Variants in CD55 observed in about 807,000 individuals in gnomAD.
The protein encoded by CD55 is complement decay-accelerating factor.
Under a neutral mutation model 45.8 loss-of-function variants are expected in CD55, and 41 were observed. The observed-to-expected ratio is 0.90, with a 90% confidence interval of 0.70 to 1.16. CD55 has a LOEUF of 1.16. Ranked by LOEUF, CD55 falls within the 50% of genes most tolerant of loss-of-function variation. The pLI is 0.00. For missense variants in CD55, 416 were observed against 469.8 expected, an observed-to-expected ratio of 0.89 and a Z score of 1.06; for synonymous variants, 181 against 181.1, an observed-to-expected ratio of 1.00 and a Z score of 0.01.
chr1:207,353,991 A>G (rs947161860), intron 9 of CD55: 2 of 1,532,336 alleles, frequency 1.3e-6, no homozygotes, highest in African/African-American at 2.7e-5. Context: ...CATGCATTGC[A>G]TTTCCACTTT....
chr1:207,329,606 T>C lies in CD55; in HGVS notation c.665-1502T>C, dbSNP rs556404693. ...CAAACTGCTGTGGTTTCCATGTACC[T>C]CTTTTTTTTCTTTTTTTTAAATTGA... On this transcript the variant is annotated intron_variant, in intron 5 of 9. Coordinates refer to ENST00000367064, the MANE Select transcript of CD55 (RefSeq NM_000574.5). 2.0e-5 allele frequency among the ~76,000 whole-genome samples: 3 copies of C among 151,940 alleles called. No homozygotes were observed. The South Asian group carries it at 6.2e-4, about 32-fold the overall frequency.
At chr1:207,337,672 AT>A (rs1655247691) in intron 8 of CD55, 1 of 332,226 alleles carries the variant, frequency 3.0e-6, no homozygotes, top group Non-Finnish European at 5.5e-6. Context: ...AAAAAAAAAA[AT>A]TCTGTTTCCT....
Position 207,322,661 on chromosome 1 carries a change from C to A in CD55, c.286+94C>A, listed in dbSNP as rs1654475713. 5.5e-6 allele frequency: 6 copies of A among 1,088,008 alleles called. No individual in the cohort carries two copies. The South Asian group carries it at 6.6e-5, about 12-fold the overall frequency. The allele number at this position is 1,088,008 out of a possible 1,614,324, so 67.4% of individuals were successfully genotyped here. ...TTGGAGTGACTAGTAATTGATAGTT[C>A]TCTAGCGTTACTAAACCCCAGGGTA... On this transcript the variant is annotated intron_variant, in intron 2 of 9. Transcript: ENST00000367064.
chr1:207,341,781 A>C (rs1282089519), intron 9 of CD55, among the ~76,000 whole-genome samples: 1 of 152,012 alleles, frequency 6.6e-6, no homozygotes, highest in African/African-American at 2.4e-5. Flanking sequence ...ATTTCTGTGA[A>C]AAATGGCATT....
chr1:207,347,491 G>A, intron 9 of CD55: 1 of 282,926 alleles, frequency 3.5e-6, no homozygotes, highest in Non-Finnish European at 7.2e-6. Context: ...TGATCTCCTG[G>A]CCTCGAGATC....
At chr1:207,343,112 C>G (rs1038892255) in intron 9 of CD55, among the ~76,000 whole-genome samples, 1 of 151,830 alleles carries the variant, frequency 6.6e-6, no homozygotes, top group African/African-American at 2.4e-5. Context: ...AGTACTTTAT[C>G]AGTTTGGTTT....
chr1:207,337,978 C>T lies in CD55; in HGVS notation c.1060+569C>T, dbSNP rs142956527. Among the ~76,000 whole-genome samples the T allele has an allele frequency of 5.5e-4, 83 of 152,166 alleles. No individual in the cohort carries two copies. The East Asian group carries it at 0.015, about 27-fold the overall frequency. On this transcript the variant is annotated intron_variant, in intron 8 of 9. Coordinates refer to ENST00000367064, the MANE Select transcript of CD55 (RefSeq NM_000574.5). ...AATTGTGTTTTATCTATAGTTTTAC[C>T]CATTATGACCGTATTTTCAAAATGA... is the stretch of plus-strand genomic sequence containing the variant.
intron 9 of CD55, among the ~76,000 whole-genome samples, chr1:207,353,151 T>C (rs1297876493): frequency 7.0e-6 from 1 of 143,716 alleles, no homozygotes; most frequent in South Asian, 2.3e-4. Context: ...TTTCCCAGGC[T>C]CAAGTGATCT....
At position 207,360,388 on chromosome 1, in the gene CD55, T is replaced by A. The variant is rs934357402; in HGVS notation, c.*778T>A. The A allele has an allele frequency of 2.6e-5, 4 of 152,150 alleles. No homozygotes were observed. The highest frequency in any genetic ancestry group is 9.6e-5 in the African/African-American group (4 of 41,458). The allele number at this position is 152,150 out of a possible 1,614,324, so 9.4% of individuals were successfully genotyped here. On this transcript the variant is annotated 3_prime_UTR_variant, in exon 10 of 10. Transcript: ENST00000367064. ...ATTCTTTTGTAATATTTATTTATAT[T>A]TATTTATGACAGTGAACATTCTGAT...
At chr1:207,331,636 T>C (rs1654951950) in intron 6 of CD55, among the ~76,000 whole-genome samples, 1 of 152,210 alleles carries the variant, frequency 6.6e-6, no homozygotes, top group Admixed American at 6.5e-5. Flanking sequence ...AGTGGTTTAT[T>C]GGAGGGAGAA....
At chr1:207,329,781 T>A (rs1558145812) in intron 5 of CD55, among the ~76,000 whole-genome samples, 1 of 151,880 alleles carries the variant, frequency 6.6e-6, no homozygotes, top group Admixed American at 6.6e-5. Context: ...CCAGCTAATT[T>A]ATGTATTTTT....
At chr1:207,328,818 T>C (rs1260767695) in intron 5 of CD55, among the ~76,000 whole-genome samples, 2 of 152,244 alleles carry the variant, frequency 1.3e-5, no homozygotes, top group East Asian at 3.8e-4. Context: ...TAGCATAGTT[T>C]ATTATTCCTC....
At chr1:207,359,396 C>G (rs935273963) in intron 9 of CD55, 150 bp from the exon 10 acceptor site, 2 of 675,852 alleles carry the variant, frequency 3.0e-6, no homozygotes, top group African/African-American at 3.7e-5. Flanking sequence ...TGTCCATATT[C>G]TATTACTCAT....
At chr1:207,353,356 TAAG>T (rs1011266147) in intron 9 of CD55, among the ~76,000 whole-genome samples, 4 of 152,136 alleles carry the variant, frequency 2.6e-5, no homozygotes, top group African/African-American at 4.8e-5. Flanking sequence ...GAATAATAAA[TAAG>T]AAGTCAGGAA....
rs73085272 is a variant in CD55, at chr1:207,330,139, T to C, written c.665-969T>C. Among the ~76,000 whole-genome samples, 835 of 152,330 alleles carry C rather than the reference T, an allele frequency of 5.5e-3. 8 individuals carry two copies. The highest frequency in any genetic ancestry group is 0.018 in the African/African-American group (759 of 41,574). On this transcript the variant is annotated intron_variant, in intron 5 of 9. Coordinates refer to ENST00000367064, the MANE Select transcript of CD55 (RefSeq NM_000574.5). ...GTGTGTTAGGCACTCAGAAAATGTT[T>C]GAACTGAACCAATGGTGTGTGTGTC...
chr1:207,360,899 G>C lies in CD55; in HGVS notation c.*1289G>C, dbSNP rs946933564. 6.6e-6 allele frequency: 1 copy of C among 151,986 alleles called. No individual in the cohort carries two copies. The highest frequency in any genetic ancestry group is 1.5e-5 in the Non-Finnish European group (1 of 67,982). 9.4% of individuals were successfully genotyped at this position (151,986 alleles called of 1,614,324 possible). A position where few individuals can be genotyped will look rare whatever the true frequency, so the allele number is the denominator to read the frequency against. ...TGTTGAAGTACTTTAAATTTCATAC[G>C]TTCATGGCATTTCACTGTAAAGACT... On this transcript the variant is annotated 3_prime_UTR_variant, in exon 10 of 10. Coordinates refer to ENST00000367064, the MANE Select transcript of CD55 (RefSeq NM_000574.5).
chr1:207,353,361 A>C (rs1655957627), intron 9 of CD55, among the ~76,000 whole-genome samples: 2 of 152,182 alleles, frequency 1.3e-5, no homozygotes, highest in Non-Finnish European at 2.9e-5. Context: ...ATAAATAAGA[A>C]GTCAGGAAAT....
chr1:207,338,994 G>A (rs1298444379), intron 8 of CD55, among the ~76,000 whole-genome samples: 1 of 152,122 alleles, frequency 6.6e-6, no homozygotes, highest in East Asian at 1.9e-4. Flanking sequence ...GCATTTTTGA[G>A]TTTTGATATA....
chr1:207,354,763 C>A (rs1294445364), intron 9 of CD55, among the ~76,000 whole-genome samples: 2 of 152,118 alleles, frequency 1.3e-5, no homozygotes, highest in African/African-American at 4.8e-5. Context: ...TATTAATTTA[C>A]TGAGAAGATA....
Sources: gnomAD v4.1 joint callset for allele counts (sites outside exome capture counted in the v4.1 genomes callset) on GRCh38, gnomAD v4.1.1 for gene constraint, MANE v1.5 for transcripts, NCBI Gene and HGNC (gene_info 2026-07-23, HGNC 2026-07-21) for gene names.